The following NCOA3 variants were observed in gnomAD, a reference collection of about 807,000 sequenced individuals.
NCOA3 encodes the protein CBP-interacting protein.
NCOA3 carries 51 observed loss-of-function variants against 158.8 expected under a neutral mutation model. The observed-to-expected ratio is 0.32, with a 90% CI of 0.26 to 0.41. The LOEUF is 0.41. Among genes scored for constraint, NCOA3 ranks in the 10% least tolerant of loss-of-function variants. The probability of loss-of-function intolerance (pLI) is 1.00; values close to 1 mark genes in which losing one functional copy is unlikely to be tolerated. For synonymous variants in NCOA3, 537 were observed against 592.4 expected (o/e 0.91, Z 1.36); for missense variants, 1,510 against 1,746.6 (o/e 0.86, Z 2.41).
Position 47,639,908 on chromosome 20 carries a change from T to C in NCOA3, c.2954-17T>C. The C allele has an allele frequency of 6.2e-7, 1 of 1,613,752 alleles. No individual in the cohort carries two copies. Among genetic ancestry groups the C allele is most frequent in the Non-Finnish European group, 8.5e-7 (1 of 1,179,840 alleles). ...TGCTCTTATTTGAGAATTTGTGCTT[T>C]CTTTTTGCTCCCCCAGGGCCTGGTG... On this transcript the variant is annotated splice_polypyrimidine_tract_variant and intron_variant, in intron 15 of 22. Coordinates refer to ENST00000371998, the MANE Select transcript of NCOA3 (RefSeq NM_181659.3).
chr20:47,502,125 C>A, intron 1 of NCOA3, 106 bp downstream of exon 1: 1 of 398,502 alleles, frequency 2.5e-6, no homozygotes, highest in East Asian at 3.6e-5. Flanking sequence ...GGCTTCAGAT[C>A]TGCCAAGGCA....
intron 1 of NCOA3, among the ~76,000 whole-genome samples, chr20:47,541,223 C>T (rs1404875611): frequency 6.6e-6 from 1 of 151,702 alleles, no homozygotes; most frequent in Non-Finnish European, 1.5e-5. Context: ...TGAGTCATTG[C>T]CGAGGTCACT....
At chr20:47,570,990 G>A (rs1318361777) in intron 1 of NCOA3, among the ~76,000 whole-genome samples, 1 of 141,462 alleles carries the variant, frequency 7.1e-6, no homozygotes, top group Admixed American at 6.8e-5. Context: ...ATATATGTGT[G>A]TGTGTGTGTG....
intron 1 of NCOA3, among the ~76,000 whole-genome samples, chr20:47,534,896 C>G (rs2084607292): frequency 6.6e-6 from 1 of 150,614 alleles, no homozygotes; most frequent in African/African-American, 2.4e-5. Context: ...GCGTGGGTGA[C>G]AGAGTGAGAC....
intron 1 of NCOA3, among the ~76,000 whole-genome samples, chr20:47,568,464 A>G (rs1043157221): frequency 6.6e-6 from 1 of 152,222 alleles, no homozygotes; most frequent in African/African-American, 2.4e-5. Context: ...TTAAGTGTGC[A>G]GTAGCATTAT....
chr20:47,650,061 T>C (rs2086757175), intron 19 of NCOA3, among the ~76,000 whole-genome samples: 1 of 152,026 alleles, frequency 6.6e-6, no homozygotes, highest in Non-Finnish European at 1.5e-5. Flanking sequence ...CACTGAATCC[T>C]CATTTTCCTG....
At chr20:47,538,964 T>C (rs1763567036) in intron 1 of NCOA3, among the ~76,000 whole-genome samples, 1 of 152,244 alleles carries the variant, frequency 6.6e-6, no homozygotes, top group African/African-American at 2.4e-5. Context: ...TTACTTTTTC[T>C]CAAACCTTTT....
At chr20:47,567,944 A>G (rs1168460772) in intron 1 of NCOA3, among the ~76,000 whole-genome samples, 1 of 152,050 alleles carries the variant, frequency 6.6e-6, no homozygotes, top group Non-Finnish European at 1.5e-5. Context: ...TCCTGTCCTC[A>G]AGTGTTCCTC....
At chr20:47,616,556 C>A (rs962587695) in intron 2 of NCOA3, among the ~76,000 whole-genome samples, 1 of 152,132 alleles carries the variant, frequency 6.6e-6, no homozygotes, top group Admixed American at 6.5e-5. Flanking sequence ...GTGTAGCATA[C>A]AACTTTTTTT....
intron 1 of NCOA3, among the ~76,000 whole-genome samples, chr20:47,530,841 T>A (rs2084533311): frequency 6.6e-6 from 1 of 152,202 alleles, no homozygotes; most frequent in Admixed American, 6.5e-5. Context: ...GATGCTGTGT[T>A]TTTGTTTGGC....
intron 1 of NCOA3, among the ~76,000 whole-genome samples, chr20:47,542,619 G>A (rs1425014384): frequency 6.6e-6 from 1 of 152,158 alleles, no homozygotes; most frequent in Non-Finnish European, 1.5e-5. Flanking sequence ...TGAGGCTGCA[G>A]TGAGCTGTGA....
At chr20:47,640,183 AT>A (rs1466269571) in intron 16 of NCOA3, 132 bp downstream of exon 16, 1 of 1,197,904 alleles carries the variant, frequency 8.3e-7, no homozygotes, top group East Asian at 2.4e-5. Flanking sequence ...CCAGCTGGGC[AT>A]TTCTCGTGTA....
chr20:47,549,943 A>G (rs1016124170), intron 1 of NCOA3, among the ~76,000 whole-genome samples: 3 of 152,064 alleles, frequency 2.0e-5, no homozygotes, highest in Non-Finnish European at 4.4e-5. Flanking sequence ...GAGCTCAAGC[A>G]GTCTGCCTAC....
chr20:47,545,905 G>C (rs533108978), intron 1 of NCOA3, among the ~76,000 whole-genome samples: 2 of 151,750 alleles, frequency 1.3e-5, no homozygotes, highest in African/African-American at 4.8e-5. Context: ...TATAGTGATG[G>C]GGTTTTGCCA....
At chr20:47,612,192 G>A (rs1226465483) in intron 2 of NCOA3, among the ~76,000 whole-genome samples, 1 of 152,054 alleles carries the variant, frequency 6.6e-6, no homozygotes, top group East Asian at 1.9e-4. Context: ...TGTGGAGTTG[G>A]TCAAAAGTAC....
chr20:47,578,405 C>T (rs987374757), intron 1 of NCOA3, among the ~76,000 whole-genome samples: 1 of 152,096 alleles, frequency 6.6e-6, no homozygotes, highest in Non-Finnish European at 1.5e-5. Flanking sequence ...AGGCTGGTCT[C>T]GAACTCCTGA....
intron 1 of NCOA3, among the ~76,000 whole-genome samples, chr20:47,525,397 A>G (rs1443183528): frequency 6.7e-6 from 1 of 149,696 alleles, no homozygotes; most frequent in African/African-American, 2.5e-5. Context: ...CCCCCTTTCT[A>G]TTCCACAAAA....
At chr20:47,544,794 A>G (rs1171295129) in intron 1 of NCOA3, among the ~76,000 whole-genome samples, 1 of 152,170 alleles carries the variant, frequency 6.6e-6, no homozygotes, top group Non-Finnish European at 1.5e-5. Flanking sequence ...GTCATTATGT[A>G]GTATAAAGTG....
intron 1 of NCOA3, among the ~76,000 whole-genome samples, chr20:47,524,278 AC>A (rs3091656): frequency 0.15 from 22,416 of 152,128 alleles, 2,488 homozygotes; most frequent in African/African-American, 0.3. Flanking sequence ...TTTCTAACAT[AC>A]CTGTTTCCCT....
Sources: allele counts gnomAD v4.1 joint callset (sites outside exome capture counted in the v4.1 genomes callset), GRCh38; gene constraint gnomAD v4.1.1; transcripts MANE v1.5; gene names NCBI Gene and HGNC (gene_info 2026-07-23, HGNC 2026-07-21).